CNTLN: variants seen among roughly 807,000 people sequenced by gnomAD.
CNTLN encodes centlein.
Under a neutral mutation model 180.0 loss-of-function variants are expected in CNTLN, and 212 were observed. The ratio of observed to expected loss-of-function variants is 1.18; its 90% confidence interval spans 1.05 to 1.32. CNTLN has a LOEUF of 1.32. CNTLN is among the 40% of genes most tolerant of loss of function. The probability of loss-of-function intolerance (pLI) is 0.00; values close to 1 mark genes in which losing one functional copy is unlikely to be tolerated. For missense variants in CNTLN, 2,095 were observed against 1,610.9 expected, an observed-to-expected ratio of 1.30 and a Z score of -5.14; for synonymous variants, 722 against 563.1, an observed-to-expected ratio of 1.28 and a Z score of -3.99.
At chr9:17,509,720 G>A in the CNTLN span, among the ~76,000 whole-genome samples, 1 of 152,144 alleles carries the variant, frequency 6.6e-6, no homozygotes, top group Non-Finnish European at 1.5e-5. Context: ...CCACAAATCA[G>A]GGGGTGGAAT....
intron 15 of CNTLN, among the ~76,000 whole-genome samples, chr9:17,398,381 G>A (rs1310183122): frequency 6.6e-6 from 1 of 152,138 alleles, no homozygotes; most frequent in African/African-American, 2.4e-5. Context: ...TGGCTTCAAA[G>A]CAGTATTTTT....
chr9:17,218,090 A>C (rs1823883500), intron 2 of CNTLN, among the ~76,000 whole-genome samples: 1 of 152,136 alleles, frequency 6.6e-6, no homozygotes, highest in Non-Finnish European at 1.5e-5. Flanking sequence ...TAAGGAAAAA[A>C]ATGTCCATCA....
chr9:17,364,589 T>G (rs188416340), intron 12 of CNTLN, among the ~76,000 whole-genome samples: 2 of 152,328 alleles, frequency 1.3e-5, no homozygotes, highest in East Asian at 3.9e-4. Context: ...ATTATTCTCT[T>G]ATCTCTATTT....
At chr9:17,498,326 A>ATATG (rs1173466416) in intron 25 of CNTLN, among the ~76,000 whole-genome samples, 1 of 152,172 alleles carries the variant, frequency 6.6e-6, no homozygotes, top group East Asian at 1.9e-4. Flanking sequence ...TATATCATTT[A>ATATG]TATGTCACCT....
chr9:17,135,390 C>A lies in CNTLN; in HGVS notation c.325C>A (p.Leu109Met). Residue 109 changes from leucine to methionine, a missense_variant, in exon 1 of 26, where the codon CTG becomes ATG. Coordinates refer to ENST00000380647, the MANE Select transcript of CNTLN (RefSeq NM_017738.4). The part of the protein sequence containing the change: ...VTRTQLLEEE[L>M]SSLKEELALC... ...CCGGACGCAGCTGCTGGAGGAAGAG[C>A]TGAGCAGCCTAAAGGAGGAGTTGGC... 6.3e-7 allele frequency: 1 copy of A among 1,598,128 alleles called. No homozygotes were observed. The highest frequency in any genetic ancestry group is 8.5e-7 in the Non-Finnish European group (1 of 1,173,462).
intron 20 of CNTLN, 61 bp downstream of exon 20, chr9:17,463,074 T>G: frequency 2.1e-6 from 2 of 931,206 alleles, no homozygotes; most frequent in Non-Finnish European, 3.3e-6. Flanking sequence ...CCAGCTCTAT[T>G]AAACGTGCTC....
chr9:17,339,401 G>A (rs1821299902), intron 10 of CNTLN, among the ~76,000 whole-genome samples: 1 of 152,152 alleles, frequency 6.6e-6, no homozygotes, highest in Non-Finnish European at 1.5e-5. Flanking sequence ...CTTTTGCTTT[G>A]TGTCCTTAAA....
intron 15 of CNTLN, among the ~76,000 whole-genome samples, chr9:17,398,976 A>C (rs1364985002): frequency 6.6e-6 from 1 of 152,188 alleles, no homozygotes; most frequent in Non-Finnish European, 1.5e-5. Flanking sequence ...TTGAGTCCCT[A>C]ATGAGCCTGG....
intron 12 of CNTLN, among the ~76,000 whole-genome samples, chr9:17,362,437 C>G (rs1311997331): frequency 6.6e-6 from 1 of 151,960 alleles, no homozygotes; most frequent in Admixed American, 6.6e-5. Flanking sequence ...TTTTTAAAAT[C>G]CTTATGTGTG....
intron 12 of CNTLN, among the ~76,000 whole-genome samples, chr9:17,342,889 G>A (rs965330472): frequency 6.6e-6 from 1 of 152,230 alleles, no homozygotes. Context: ...TCATTATGGT[G>A]TAGCCTTGCT....
chr9:17,249,034 A>G (rs1825967942), intron 5 of CNTLN, among the ~76,000 whole-genome samples: 1 of 151,786 alleles, frequency 6.6e-6, no homozygotes. Context: ...TTTGATTCTC[A>G]ATTGTTTTTC....
At chr9:17,305,468 G>A (rs947346733) in intron 7 of CNTLN, among the ~76,000 whole-genome samples, 63 of 151,346 alleles carry the variant, frequency 4.2e-4, no homozygotes, top group African/African-American at 1.4e-3. Context: ...TATGCCTAAA[G>A]CAATGCAGAT....
At chr9:17,154,576 G>T (rs1304849785) in intron 2 of CNTLN, among the ~76,000 whole-genome samples, 1 of 152,210 alleles carries the variant, frequency 6.6e-6, no homozygotes, top group Non-Finnish European at 1.5e-5. Context: ...GTGTCTGTTG[G>T]CCCCAACTGG....
intron 5 of CNTLN, among the ~76,000 whole-genome samples, chr9:17,254,056 C>G (rs941337333): frequency 6.6e-6 from 1 of 151,496 alleles, no homozygotes; most frequent in Non-Finnish European, 1.5e-5. Context: ...TCCTTCAGTT[C>G]ATTGATGTGA....
chr9:17,183,571 T>G (rs1821251897), intron 2 of CNTLN, among the ~76,000 whole-genome samples: 1 of 152,052 alleles, frequency 6.6e-6, no homozygotes, highest in Admixed American at 6.6e-5. Flanking sequence ...CTTTAAAATG[T>G]TCACGTGAAA....
At chr9:17,327,337 C>G (rs563678281) in intron 8 of CNTLN, among the ~76,000 whole-genome samples, 24 of 151,422 alleles carry the variant, frequency 1.6e-4, no homozygotes, top group African/African-American at 4.6e-4. Flanking sequence ...CTCAGCCTCC[C>G]GAGTAGCTGG....
At chr9:17,373,292 A>G (rs1824481247) in intron 13 of CNTLN, among the ~76,000 whole-genome samples, 1 of 152,196 alleles carries the variant, frequency 6.6e-6, no homozygotes, top group South Asian at 2.1e-4. Flanking sequence ...AGGATACAAA[A>G]TCAACATACA....
At chr9:17,311,231 G>A (rs1431936556) in intron 8 of CNTLN, among the ~76,000 whole-genome samples, 1 of 151,696 alleles carries the variant, frequency 6.6e-6, no homozygotes, top group South Asian at 2.1e-4. Context: ...CACCATGTTG[G>A]TCAAGCTGGT....
downstream of CNTLN, among the ~76,000 whole-genome samples, chr9:17,504,969 GA>G (rs371522037): frequency 6.6e-6 from 1 of 152,242 alleles, no homozygotes; most frequent in African/African-American, 2.4e-5. Context: ...GAATTTGCCA[GA>G]AATCTGTTTA....
Sources: gnomAD v4.1 joint callset for allele counts (sites outside exome capture counted in the v4.1 genomes callset) on GRCh38, gnomAD v4.1.1 for gene constraint, MANE v1.5 for transcripts, NCBI Gene and HGNC (gene_info 2026-07-23, HGNC 2026-07-21) for gene names.